CALN1: variants seen among roughly 807,000 people sequenced by gnomAD.
The protein encoded by CALN1 is calcium-binding protein 8.
CALN1 carries 17 observed loss-of-function variants against 30.6 expected under a neutral mutation model. The ratio of observed to expected loss-of-function variants is 0.56; its 90% CI spans 0.38 to 0.83. The LOEUF (loss-of-function observed/expected upper bound fraction) is 0.83. Ranked by LOEUF, CALN1 falls within the 40% of genes least tolerant of loss-of-function variation. The pLI is 0.00. For missense variants in CALN1, 291 were observed against 354.9 expected (o/e 0.82, Z 1.45); for synonymous variants, 156 against 131.4 (o/e 1.19, Z -1.28).
At chr7:72,360,280 T>C (rs1460145873) in intron 2 of CALN1, among the ~76,000 whole-genome samples, 1 of 152,138 alleles carries the variant, frequency 6.6e-6, no homozygotes, top group African/African-American at 2.4e-5. Context: ...TATTTAATGG[T>C]GAAGTCTGTT....
At chr7:72,461,138 C>T in the CALN1 span, among the ~76,000 whole-genome samples, 7 of 151,992 alleles carry the variant, frequency 4.6e-5, no homozygotes, top group Non-Finnish European at 8.8e-5. Flanking sequence ...ACCGGACCCA[C>T]GAAGGGTACA....
chr7:71,822,717 G>A (rs1788666659), intron 5 of CALN1, among the ~76,000 whole-genome samples: 1 of 152,042 alleles, frequency 6.6e-6, no homozygotes, highest in African/African-American at 2.4e-5. Flanking sequence ...ATTTTTTCTT[G>A]TATGTAATAA....
chr7:71,899,223 A>T (rs2116929629), intron 5 of CALN1, among the ~76,000 whole-genome samples: 1 of 148,936 alleles, frequency 6.7e-6, no homozygotes, highest in East Asian at 2.0e-4. Flanking sequence ...GGCTCACTGC[A>T]ACCTCCACCT....
intron 3 of CALN1, among the ~76,000 whole-genome samples, chr7:72,154,228 T>TAAAAA (rs11386575): frequency 6.9e-6 from 1 of 145,282 alleles, no homozygotes. Context: ...GAAGTAAAAT[T>TAAAAA]AAAAAAAAAA....
Position 72,403,413 on chromosome 7 carries a change from C to G in CALN1, c.-44G>C, listed in dbSNP as rs1562951457. The stretch of plus-strand genomic sequence containing the variant: ...TTCTCAGAGAGAGTTAGAAGCTCAT[C>G]AAAGGAACGTCAGCGAAGGCACTGA... On this transcript the variant is annotated 5_prime_UTR_variant, in exon 2 of 7. Coordinates refer to ENST00000395275, the MANE Select transcript of CALN1 (RefSeq NM_031468.4). The G allele has an allele frequency of 6.8e-7, 1 of 1,473,028 alleles. No homozygotes were observed. Among genetic ancestry groups the G allele is most frequent in the South Asian group, 1.2e-5 (1 of 81,392 alleles). 91.2% of individuals were successfully genotyped at this position (1,473,028 alleles called of 1,614,324 possible).
chr7:72,043,104 A>G (rs1298503340), intron 4 of CALN1, among the ~76,000 whole-genome samples: 1 of 152,206 alleles, frequency 6.6e-6, no homozygotes, highest in African/African-American at 2.4e-5. Context: ...GACACAAGGT[A>G]GGGTCCTTCC....
At chr7:72,211,219 T>A (rs1209003153) in intron 3 of CALN1, among the ~76,000 whole-genome samples, 2 of 152,108 alleles carry the variant, frequency 1.3e-5, no homozygotes, top group Non-Finnish European at 2.9e-5. Context: ...GACCTCAGTC[T>A]CTGCACCTCT....
intron 2 of CALN1, among the ~76,000 whole-genome samples, chr7:72,360,999 T>C (rs1803537373): frequency 6.6e-6 from 1 of 152,058 alleles, no homozygotes; most frequent in African/African-American, 2.4e-5. Flanking sequence ...AGTGCTGGGA[T>C]TACAGGCATG....
intron 4 of CALN1, among the ~76,000 whole-genome samples, chr7:72,034,410 G>A (rs940316042): frequency 6.6e-6 from 1 of 151,618 alleles, no homozygotes; most frequent in Non-Finnish European, 1.5e-5. Flanking sequence ...AAGTCAGGAG[G>A]AGGACGTACT....
chr7:72,168,569 C>CTG (rs1287512758), intron 3 of CALN1, among the ~76,000 whole-genome samples: 1 of 152,164 alleles, frequency 6.6e-6, no homozygotes, highest in African/African-American at 2.4e-5. Context: ...TGGCACCCAT[C>CTG]TGTCTCTTCC....
chr7:71,901,522 C>T (rs867536517), intron 5 of CALN1, among the ~76,000 whole-genome samples: 65 of 150,244 alleles, frequency 4.3e-4, no homozygotes, highest in African/African-American at 1.6e-3. Context: ...TCAAATTATA[C>T]TACAAGGCTG....
At chr7:72,259,689 T>G (rs557010737) in intron 3 of CALN1, among the ~76,000 whole-genome samples, 4 of 152,282 alleles carry the variant, frequency 2.6e-5, no homozygotes, top group Admixed American at 2.6e-4. Flanking sequence ...TCCCAGTTAT[T>G]GCAAACATCA....
chr7:72,078,872 G>A (rs907063317), intron 4 of CALN1, among the ~76,000 whole-genome samples: 5 of 152,146 alleles, frequency 3.3e-5, no homozygotes, highest in Admixed American at 2.0e-4. Flanking sequence ...GGAGATGGAG[G>A]TTGCCGTGAT....
At chr7:72,479,037 A>G in the CALN1 span, among the ~76,000 whole-genome samples, 1 of 151,856 alleles carries the variant, frequency 6.6e-6, no homozygotes, top group Non-Finnish European at 1.5e-5. Context: ...GGGTGCCACC[A>G]CACTTGACTA....
intron 2 of CALN1, among the ~76,000 whole-genome samples, chr7:72,331,322 C>T (rs950188909): frequency 1.3e-5 from 2 of 152,002 alleles, no homozygotes; most frequent in African/African-American, 4.8e-5. Context: ...TGCACTCCAG[C>T]CTGGGCAACA....
chr7:72,237,548 A>G (rs76098295), intron 3 of CALN1, among the ~76,000 whole-genome samples: 275 of 152,310 alleles, frequency 1.8e-3, no homozygotes, highest in African/African-American at 6.0e-3. Context: ...GAGGGCCAGG[A>G]GACAGAAGCA....
chr7:71,979,492 T>C (rs900056486), intron 5 of CALN1, among the ~76,000 whole-genome samples: 1 of 151,986 alleles, frequency 6.6e-6, no homozygotes, highest in African/African-American at 2.4e-5. Flanking sequence ...GGTTTATGCT[T>C]CTATGAGACT....
In CALN1 at chr7:72,163,391, T is replaced by TAAAAAAAAAAA. The variant is rs1563111506; in HGVS notation, c.245-57098_245-57097insTTTTTTTTTTT. ...CTACAAGAAAAAAACTTATTGGAGATTAAAAAAAAAAAAAAAAAACAGAAA... is the reference window on the plus strand; with the variant it reads ...CTACAAGAAAAAAACTTATTGGAGATAAAAAAAAAAATAAAAAAAAAAAAAAAAAACAGAAA... On this transcript the variant is annotated intron_variant, in intron 3 of 6. Transcript: ENST00000395275. Among the ~76,000 whole-genome samples, 192 of 130,302 alleles carry TAAAAAAAAAAA rather than the reference T, an allele frequency of 1.5e-3. 2 individuals carry two copies. The highest frequency in any genetic ancestry group is 4.3e-3 in the Middle Eastern group (1 of 230). 85.5% of individuals were successfully genotyped at this position (130,302 alleles called of 152,430 possible).
At chr7:71,890,336 T>C (rs1437758978) in intron 5 of CALN1, among the ~76,000 whole-genome samples, 2 of 152,200 alleles carry the variant, frequency 1.3e-5, no homozygotes, top group African/African-American at 2.4e-5. Flanking sequence ...GCCTTGGAAG[T>C]TGCTATGCTC....
Sources: allele counts gnomAD v4.1 joint callset (sites outside exome capture counted in the v4.1 genomes callset), GRCh38; gene constraint gnomAD v4.1.1; transcripts MANE v1.5; gene names NCBI Gene and HGNC (gene_info 2026-07-23, HGNC 2026-07-21).